The following SPAG5 variants were observed in gnomAD, a reference collection of about 807,000 sequenced individuals.
The protein encoded by SPAG5 is sperm-associated antigen 5.
In SPAG5, 99 loss-of-function variants were observed where a neutral mutation model predicts 145.4. The ratio of observed to expected loss-of-function variants is 0.68; its 90% CI spans 0.58 to 0.80. The LOEUF is 0.80. Among genes scored for constraint, SPAG5 ranks in the 30% least tolerant of loss-of-function variants. SPAG5 has a pLI of 0.00. For synonymous variants in SPAG5, 477 were observed against 525.4 expected, an observed-to-expected ratio of 0.91 and a Z score of 1.26; for missense variants, 1,192 against 1,416.0, an observed-to-expected ratio of 0.84 and a Z score of 2.54.
intron 4 of SPAG5, among the ~76,000 whole-genome samples, chr17:28,588,751 G>A (rs996867748): frequency 2.6e-5 from 4 of 152,042 alleles, no homozygotes; most frequent in African/African-American, 4.8e-5. Context: ...GGGTGATCTC[G>A]GCTCACTGCA....
chr17:28,591,434 T>A (rs186308451), intron 4 of SPAG5, among the ~76,000 whole-genome samples: 5 of 152,322 alleles, frequency 3.3e-5, no homozygotes, highest in African/African-American at 4.8e-5. Flanking sequence ...GCTGATTTTT[T>A]AAAAATCTTT....
In SPAG5 at chr17:28,599,000, T is replaced by C; in HGVS notation, c.-54A>G. 6.4e-7 allele frequency: 1 copy of C among 1,565,298 alleles called. No individual in the cohort carries two copies. The highest frequency in any genetic ancestry group is 8.8e-7 in the Non-Finnish European group (1 of 1,136,140). The stretch of plus-strand genomic sequence containing the variant: ...CTCAGACCAAGTCGAGGACGCCATG[T>C]TCACCCGCCGTCTGTGTTTGAACCT... On this transcript the variant is annotated 5_prime_UTR_variant, in exon 1 of 24. Coordinates refer to ENST00000321765, the MANE Select transcript of SPAG5 (RefSeq NM_006461.4).
chr17:28,595,257 CA>C (rs368277300), intron 2 of SPAG5, among the ~76,000 whole-genome samples: 3,040 of 58,106 alleles, frequency 0.052, 70 homozygotes, highest in African/African-American at 0.16. Context: ...GACTCCTTCT[CA>C]AAAAAAAAAA....
intron 7 of SPAG5, 33 bp downstream of exon 7, chr17:28,585,831 C>T: frequency 6.2e-7 from 1 of 1,614,054 alleles, no homozygotes; most frequent in Non-Finnish European, 8.5e-7. Context: ...GTGGAAACCT[C>T]CCACATCCAA....
chr17:28,598,776 C>T (rs1424334248), intron 1 of SPAG5, 120 bp downstream of exon 1: 3 of 1,511,960 alleles, frequency 2.0e-6, no homozygotes, highest in South Asian at 1.1e-5. Context: ...GCAAGGCGAA[C>T]AAAGACTCCA....
In SPAG5 at chr17:28,584,407, A is replaced by G. The variant is rs764068879; in HGVS notation, c.2235T>C (p.His745=). 7 of 1,614,032 alleles carry G rather than the reference A, an allele frequency of 4.3e-6. No homozygotes were observed. The South Asian group carries it at 4.4e-5, about 10-fold the overall frequency. ...QLKELQSQHT[H]CAQDLAMKDE... is the part of the protein sequence containing the mutation. Reference sequence around the variant, plus strand: ...CCTTCATAGCCAGGTCCTGGGCACAATGGGTATGCTGACTCTGTAGCTCTT... The same window carrying G: ...CCTTCATAGCCAGGTCCTGGGCACAGTGGGTATGCTGACTCTGTAGCTCTT... The change falls in exon 12 of 24, where the codon CAT becomes CAC. Residue 745 remains histidine (H), a synonymous_variant. Coordinates refer to ENST00000321765, the MANE Select transcript of SPAG5 (RefSeq NM_006461.4).
chr17:28,578,207 G>C lies in SPAG5; in HGVS notation c.3429+11C>G. 1 of 1,613,898 alleles carries C rather than the reference G, an allele frequency of 6.2e-7. No homozygotes were observed. The highest frequency in any genetic ancestry group is 8.5e-7 in the Non-Finnish European group (1 of 1,179,770). ...TAGGAAATGGCCCTGGAATGGCATG[G>C]ACATTCTTACATGGCTCTGGAACTT... On this transcript the variant is annotated intron_variant, in intron 22 of 23. Transcript: ENST00000321765.
At chr17:28,589,285 G>A (rs2070605375) in intron 4 of SPAG5, among the ~76,000 whole-genome samples, 1 of 151,916 alleles carries the variant, frequency 6.6e-6, no homozygotes, top group Non-Finnish European at 1.5e-5. Context: ...TTTTAGTAAA[G>A]ACGGGGTTTC....
rs537153308 is a variant in SPAG5 at position 28,582,512 on chromosome 17, G to GCT, written c.2685+997_2685+998dup. Among the ~76,000 whole-genome samples the GCT allele has an allele frequency of 1.5e-3, 227 of 152,260 alleles. 1 individual carries two copies. The highest frequency in any genetic ancestry group is 5.4e-3 in the African/African-American group (223 of 41,530). ...CCTAATTCTCGAAGGCTGAAGTGGT[G>GCT]CTCCCCTCTCTATCTCTCACAGTGG... On this transcript the variant is annotated intron_variant, in intron 15 of 23. Coordinates refer to ENST00000321765, the MANE Select transcript of SPAG5 (RefSeq NM_006461.4).
intron 22 of SPAG5, 21 bp downstream of exon 22, chr17:28,578,197 G>A (rs567645070): frequency 6.2e-7 from 1 of 1,613,612 alleles, no homozygotes; most frequent in East Asian, 2.2e-5. Context: ...AATGGCCCTG[G>A]AATGGCATGG....
In SPAG5 at chr17:28,598,969, T is replaced by A; in HGVS notation, c.-23A>T. Reference sequence around the variant, plus strand: ...CATCTTCAACCAGAAGGCAGGCCTATCACGTCTCAGACCAAGTCGAGGACG... The same window carrying A: ...CATCTTCAACCAGAAGGCAGGCCTAACACGTCTCAGACCAAGTCGAGGACG... On this transcript the variant is annotated 5_prime_UTR_variant, in exon 1 of 24. It removes the in-frame stop codon of an upstream open reading frame in the 5' UTR. Coordinates refer to ENST00000321765, the MANE Select transcript of SPAG5 (RefSeq NM_006461.4). 1.2e-6 allele frequency: 2 copies of A among 1,612,988 alleles called. No individual in the cohort carries two copies. The highest frequency in any genetic ancestry group is 1.7e-6 in the Non-Finnish European group (2 of 1,179,046).
intron 15 of SPAG5, among the ~76,000 whole-genome samples, chr17:28,582,250 G>C (rs1040736235): frequency 6.6e-6 from 1 of 152,126 alleles, no homozygotes; most frequent in Non-Finnish European, 1.5e-5. Flanking sequence ...GCAGCATCTT[G>C]CCTTGTTCAT....
At chr17:28,581,777 C>G (rs562853332) in intron 15 of SPAG5, among the ~76,000 whole-genome samples, 1 of 152,300 alleles carries the variant, frequency 6.6e-6, no homozygotes, top group East Asian at 1.9e-4. Context: ...CTCCTTTCAG[C>G]CTTGGTCCTC....
chr17:28,584,518 C>T, intron 11 of SPAG5, 38 bp from the exon 12 acceptor site: 5 of 1,612,840 alleles, frequency 3.1e-6, no homozygotes, highest in Non-Finnish European at 4.2e-6. Flanking sequence ...ATGCGGTCAG[C>T]AGGCTAGAAA....
chr17:28,586,372 T>A (rs2151521097), intron 5 of SPAG5, 53 bp downstream of exon 5: 2 of 1,453,394 alleles, frequency 1.4e-6, no homozygotes, highest in East Asian at 2.3e-5. Context: ...GGATTCTCCA[T>A]TCTTCATCTT....
At chr17:28,595,189 C>A (rs901648002) in intron 2 of SPAG5, among the ~76,000 whole-genome samples, 1 of 146,738 alleles carries the variant, frequency 6.8e-6, no homozygotes, top group Non-Finnish European at 1.5e-5. Context: ...ATCTGGGAAG[C>A]AGAGGTTGCA....
At chr17:28,586,019 A>T (rs780628639) in intron 6 of SPAG5, 21 bp from the exon 7 acceptor site, 1 of 1,614,164 alleles carries the variant, frequency 6.2e-7, no homozygotes, top group Non-Finnish European at 8.5e-7. Context: ...AGAATCAGTT[A>T]ATGTGTCTGG....
chr17:28,581,103 C>T (rs2070546673), intron 15 of SPAG5, among the ~76,000 whole-genome samples: 1 of 152,316 alleles, frequency 6.6e-6, no homozygotes, highest in South Asian at 2.1e-4. Flanking sequence ...CAAATCTAGC[C>T]TGCCAACTAT....
intron 15 of SPAG5, among the ~76,000 whole-genome samples, chr17:28,581,670 C>T (rs905135109): frequency 5.9e-4 from 89 of 151,988 alleles, no homozygotes; most frequent in Non-Finnish European, 2.4e-4. Context: ...CCAGTTCTCC[C>T]GCCTTCTCTG....
Sources: gnomAD v4.1 joint callset for allele counts (sites outside exome capture counted in the v4.1 genomes callset) on GRCh38, gnomAD v4.1.1 for gene constraint, MANE v1.5 for transcripts, NCBI Gene and HGNC (gene_info 2026-07-23, HGNC 2026-07-21) for gene names.